Variants in CHRNA3 observed in about 807,000 individuals in gnomAD.
The protein encoded by CHRNA3 is cholinergic receptor nicotinic alpha 3 subunit, also known as neuronal acetylcholine receptor subunit alpha-3.
A neutral mutation model predicts 41.9 loss-of-function variants in CHRNA3; 34 were observed. The observed-to-expected ratio is 0.81, with a 90% CI of 0.62 to 1.08. The LOEUF (loss-of-function observed/expected upper bound fraction) is 1.08. Among genes scored for constraint, CHRNA3 ranks in the 50% least tolerant of loss-of-function variants. The pLI is 0.00. For synonymous variants in CHRNA3, 281 were observed against 265.2 expected (o/e 1.06, Z -0.58); for missense variants, 542 against 638.3 (o/e 0.85, Z 1.63).
intron 4 of CHRNA3, among the ~76,000 whole-genome samples, chr15:78,616,428 G>A (rs981724225): frequency 6.5e-5 from 9 of 139,388 alleles, no homozygotes; most frequent in African/African-American, 2.4e-4. Flanking sequence ...GGACTACACA[G>A]CTTAGGCCCA....
chr15:78,609,945 C>CAG (rs762124167), intron 4 of CHRNA3, among the ~76,000 whole-genome samples: 1 of 151,756 alleles, frequency 6.6e-6, no homozygotes, highest in African/African-American at 2.4e-5. Flanking sequence ...TCTGATAAAA[C>CAG]ACTTTAAACC....
intron 4 of CHRNA3, among the ~76,000 whole-genome samples, chr15:78,608,321 G>A (rs1272635264): frequency 6.6e-6 from 1 of 152,158 alleles, no homozygotes; most frequent in African/African-American, 2.4e-5. Flanking sequence ...CCCAAGTAGG[G>A]GCAGACTGAC....
intron 1 of CHRNA3, chr15:78,619,774 G>T (rs556182021): frequency 1.3e-5 from 2 of 152,354 alleles, no homozygotes; most frequent in African/African-American, 4.8e-5. Context: ...TACAGATCTG[G>T]GGGCAGCTTG....
rs57781655 is a variant in CHRNA3, at chr15:78,595,367, G to GTCTC, written c.*1233_*1236dup. The GTCTC allele has an allele frequency of 0.63, 618,475 of 981,078 alleles. 196,146 individuals carry two copies. The highest frequency in any genetic ancestry group is 0.82 in the East Asian group (7,178 of 8,750). The allele number at this position is 981,078 out of a possible 1,614,324, so 60.8% of individuals were successfully genotyped here. A position where few individuals can be genotyped will look rare whatever the true frequency, so the allele number is the denominator to read the frequency against. On this transcript the variant is annotated 3_prime_UTR_variant, in exon 6 of 6. Coordinates refer to ENST00000326828, the MANE Select transcript of CHRNA3 (RefSeq NM_000743.5). ...AAACTAGTGAGACAAGATTCAAACA[G>GTCTC]TCTCTGTGAATCATCTGTCAGTGGT...
intron 4 of CHRNA3, among the ~76,000 whole-genome samples, chr15:78,604,395 C>G (rs561064252): frequency 6.6e-6 from 1 of 152,332 alleles, no homozygotes; most frequent in South Asian, 2.1e-4. Flanking sequence ...TATGGCAGAA[C>G]CTTGGCCATT....
chr15:78,602,010 T>C lies in CHRNA3; in HGVS notation c.632A>G (p.Lys211Arg), dbSNP rs1282132856. 1 of 1,613,520 alleles carries C rather than the reference T, an allele frequency of 6.2e-7. No individual in the cohort carries two copies. Among genetic ancestry groups the C allele is most frequent in the South Asian group, 1.1e-5 (1 of 91,068 alleles). Residue 211 changes from lysine to arginine, a missense_variant, in exon 5 of 6, where the codon AAA becomes AGA. Physicochemically the swap from Lys to Arg is conservative, Grantham distance 26. Transcript: ENST00000326828. ...YWESGEWAII[K>R]APGYKHDIKY... ...GATGTCGTGTTTGTAGCCTGGGGCT[T>C]TGATGATGGCCCACTCGCCGCTCTC...
In CHRNA3 at chr15:78,596,554, C is replaced by T; in HGVS notation, c.*50G>A. 1 of 1,437,722 alleles carries T rather than the reference C, an allele frequency of 7.0e-7. No homozygotes were observed. Among genetic ancestry groups the T allele is most frequent in the East Asian group, 2.6e-5 (1 of 38,640 alleles). The allele number at this position is 1,437,722 out of a possible 1,614,324, so 89.1% of individuals were successfully genotyped here. On this transcript the variant is annotated 3_prime_UTR_variant, in exon 6 of 6. Transcript: ENST00000326828. ...TACGTTCTTACTAGGAAGCAGCCTC[C>T]TCCTGCCCTGACACAAGGAAGTCTC...
At chr15:78,609,904 A>G (rs1366136608) in intron 4 of CHRNA3, among the ~76,000 whole-genome samples, 1 of 152,190 alleles carries the variant, frequency 6.6e-6, no homozygotes, top group East Asian at 1.9e-4. Flanking sequence ...CAAATGGAAA[A>G]CAAAAAAAGG....
chr15:78,598,865 A>C (rs1596071081), intron 5 of CHRNA3, among the ~76,000 whole-genome samples: 3 of 118,260 alleles, frequency 2.5e-5, no homozygotes, highest in South Asian at 2.7e-4. Context: ...ACGGAGTCTC[A>C]CTCTGTCACC....
In CHRNA3 at chr15:78,601,243, A is replaced by G. The variant is rs747404598; in HGVS notation, c.1389+10T>C. 1.1e-5 allele frequency: 17 copies of G among 1,609,436 alleles called. No individual in the cohort carries two copies. The South Asian group carries it at 1.1e-4, about 10-fold the overall frequency. On this transcript the variant is annotated intron_variant, in intron 5 of 5. Transcript: ENST00000326828. ...ATGAATGACCAATGTAATAAAAGCC[A>G]TATCCTTACCTCTTTGGCTTCATTT...
intron 3 of CHRNA3, 144 bp downstream of exon 3, chr15:78,618,473 G>T: frequency 1.1e-6 from 1 of 876,912 alleles, no homozygotes; most frequent in Non-Finnish European, 1.8e-6. Context: ...AGCCTTAGAA[G>T]AGATATATCT....
chr15:78,618,688 G>A, intron 2 of CHRNA3, 27 bp from the exon 3 acceptor site: 1 of 1,612,740 alleles, frequency 6.2e-7, no homozygotes. Flanking sequence ...AAGTTGACAG[G>A]AGAATTACAA....
chr15:78,609,456 G>C (rs1170190014), intron 4 of CHRNA3, among the ~76,000 whole-genome samples: 1 of 152,104 alleles, frequency 6.6e-6, no homozygotes, highest in African/African-American at 2.4e-5. Flanking sequence ...TTTCAACCCA[G>C]AATTTCATAT....
chr15:78,620,777 G>C lies in CHRNA3; in HGVS notation c.18C>G (p.Leu6=), dbSNP rs1189729017. ...GCGGCGACAGCGCCAGGGGCAGCGA[G>C]AGCGGGCCAGAGCCCATGGCTGGTG... is the stretch of plus-strand genomic sequence containing the variant. MGSGP[L]SLPLALSPPR... Residue 6 remains leucine (L), a synonymous_variant, in exon 1 of 6, where the codon CTC becomes CTG. Coordinates refer to ENST00000326828, the MANE Select transcript of CHRNA3 (RefSeq NM_000743.5). The C allele has an allele frequency of 6.8e-7, 1 of 1,481,026 alleles. No homozygotes were observed. The highest frequency in any genetic ancestry group is 8.9e-7 in the Non-Finnish European group (1 of 1,123,416). The allele number at this position is 1,481,026 out of a possible 1,614,324, so 91.7% of individuals were successfully genotyped here.
chr15:78,620,938 C>G lies in CHRNA3; in HGVS notation c.-144G>C. On this transcript the variant is annotated 5_prime_UTR_variant, in exon 1 of 6. Coordinates refer to ENST00000326828, the MANE Select transcript of CHRNA3 (RefSeq NM_000743.5). ...AGACGCGCGGGGCTCCTCTCCGCTT[C>G]GCCGCCGCTGGGTTTCCAGCGCCCT... 9.0e-7 allele frequency: 1 copy of G among 1,114,544 alleles called. No homozygotes were observed. The highest frequency in any genetic ancestry group is 1.1e-6 in the Non-Finnish European group (1 of 884,406). 69.0% of individuals were successfully genotyped at this position (1,114,544 alleles called of 1,614,324 possible).
intron 4 of CHRNA3, among the ~76,000 whole-genome samples, chr15:78,614,466 C>G (rs995337064): frequency 1.3e-5 from 2 of 152,156 alleles, no homozygotes; most frequent in Non-Finnish European, 2.9e-5. Flanking sequence ...CTTGGGAAAA[C>G]AGTAAATAAA....
chr15:78,593,341 T>A, downstream of CHRNA3: 1 of 1,316,366 alleles, frequency 7.6e-7, no homozygotes, highest in South Asian at 1.7e-5. Context: ...AGTTATGTGT[T>A]AAATTTAGTG....
In CHRNA3 at chr15:78,617,101, G is replaced by A. The variant is rs761888279; in HGVS notation, c.300C>T (p.Pro100=). 7 of 1,613,770 alleles carry A rather than the reference G, an allele frequency of 4.3e-6. No homozygotes were observed. The highest frequency in any genetic ancestry group is 5.1e-6 in the Non-Finnish European group (6 of 1,179,780). The change falls in exon 4 of 6, where the codon CCC becomes CCT. Residue 100 remains proline (P), a synonymous_variant. Transcript: ENST00000326828. ...IWNDYKLKWN[P]SDYGGAEFMR... Reference sequence around the variant, plus strand: ...TGAACTCTGCCCCACCATAGTCAGAGGGGTTCCATTTCAGCTTGTAGTCAT... The same window carrying A: ...TGAACTCTGCCCCACCATAGTCAGAAGGGTTCCATTTCAGCTTGTAGTCAT...
At position 78,620,724 on chromosome 15, in the gene CHRNA3, GAC is replaced by G; in HGVS notation, c.69_70del (p.Leu25AlafsTer10). ...GCCTGTGCGCGTACCTGGCAGCAGAGACAGCAGCAGCAGCAGCAGCAGCCGCG... is the reference window on the plus strand; with the variant it reads ...GCCTGTGCGCGTACCTGGCAGCAGAGAGCAGCAGCAGCAGCAGCAGCCGCG... On this transcript the variant is annotated frameshift_variant, in exon 1 of 6. Transcript: ENST00000326828. LOFTEE classifies it high-confidence loss of function. The G allele has an allele frequency of 6.9e-7, 1 of 1,448,004 alleles. No homozygotes were observed. The highest frequency in any genetic ancestry group is 9.0e-7 in the Non-Finnish European group (1 of 1,114,292). 89.7% of individuals were successfully genotyped at this position (1,448,004 alleles called of 1,614,324 possible).
Sources: allele counts gnomAD v4.1 joint callset (sites outside exome capture counted in the v4.1 genomes callset), GRCh38; gene constraint gnomAD v4.1.1; transcripts MANE v1.5; gene names NCBI Gene and HGNC (gene_info 2026-07-23, HGNC 2026-07-21).